The following LUZP2 variants were observed in gnomAD, a reference collection of about 807,000 sequenced individuals.
LUZP2 encodes the protein leucine zipper protein 2.
In LUZP2, 52 loss-of-function variants were observed where a neutral mutation model predicts 51.6. The ratio of observed to expected loss-of-function variants is 1.01; its 90% CI spans 0.81 to 1.27. The LOEUF (loss-of-function observed/expected upper bound fraction) is 1.27. Among genes scored for constraint, LUZP2 ranks in the 50% most tolerant of loss-of-function variants. The pLI, the probability that LUZP2 is intolerant of heterozygous loss-of-function variation, is 0.00. For missense variants in LUZP2, 436 were observed against 395.4 expected (o/e 1.10, Z -0.87); for synonymous variants, 154 against 137.3 (o/e 1.12, Z -0.85).
intron 5 of LUZP2, among the ~76,000 whole-genome samples, chr11:24,779,471 C>A (rs1045181513): frequency 7.2e-5 from 11 of 152,140 alleles, no homozygotes; most frequent in African/African-American, 2.4e-4. Context: ...ATACTGACCA[C>A]CACAGTTGGG....
At chr11:24,598,088 G>A (rs1471535724) in intron 1 of LUZP2, among the ~76,000 whole-genome samples, 4 of 148,306 alleles carry the variant, frequency 2.7e-5, no homozygotes, top group African/African-American at 7.6e-5. Flanking sequence ...GTGACATAGT[G>A]AGACTCTGTC....
chr11:25,060,049 A>G (rs1858792507), intron 10 of LUZP2, among the ~76,000 whole-genome samples: 1 of 152,234 alleles, frequency 6.6e-6, no homozygotes, highest in Non-Finnish European at 1.5e-5. Flanking sequence ...CATCTGATTG[A>G]TGTGGGTATT....
intron 1 of LUZP2, among the ~76,000 whole-genome samples, chr11:24,556,637 G>T (rs1278855012): frequency 6.6e-6 from 1 of 152,090 alleles, no homozygotes; most frequent in Non-Finnish European, 1.5e-5. Flanking sequence ...CTCATCAAAT[G>T]TTCTTCCTTG....
In LUZP2 at chr11:25,021,152, A is replaced by G. The variant is rs184184771; in HGVS notation, c.766-28886A>G. On this transcript the variant is annotated intron_variant, in intron 9 of 11. Coordinates refer to ENST00000336930, the MANE Select transcript of LUZP2 (RefSeq NM_001009909.4). Reference sequence around the variant, plus strand: ...GTTTTATTATAGTAGGGAAAATATAACTAAACCAATAAAAATAAATGATAA... The same window carrying G: ...GTTTTATTATAGTAGGGAAAATATAGCTAAACCAATAAAAATAAATGATAA... Among the ~76,000 whole-genome samples, 195 of 152,214 alleles carry G rather than the reference A, an allele frequency of 1.3e-3. 2 individuals are homozygous for G. The highest frequency in any genetic ancestry group is 3.2e-4 in the Non-Finnish European group (22 of 67,988).
Position 24,907,880 on chromosome 11 carries a change from G to A in LUZP2, c.459+1827G>A, listed in dbSNP as rs1423744917. Among the ~76,000 whole-genome samples the A allele has an allele frequency of 3.9e-5, 6 of 151,970 alleles. No individual in the cohort carries two copies. In the East Asian group the frequency reaches 1.2e-3, roughly 29 times the overall value. On this transcript the variant is annotated intron_variant, in intron 6 of 11. Coordinates refer to ENST00000336930, the MANE Select transcript of LUZP2 (RefSeq NM_001009909.4). The stretch of plus-strand genomic sequence containing the variant: ...GTTAGATACTTCATGTATTAGTGTT[G>A]CCTAATATTGAAATGTATTGTCATG...
At chr11:24,801,378 CTAA>C (rs1472701039) in intron 5 of LUZP2, among the ~76,000 whole-genome samples, 1 of 151,894 alleles carries the variant, frequency 6.6e-6, no homozygotes, top group African/African-American at 2.4e-5. Context: ...CACATGTTCA[CTAA>C]TAATAATAAT....
intron 7 of LUZP2, among the ~76,000 whole-genome samples, chr11:24,966,123 A>T (rs551322966): frequency 2.0e-5 from 3 of 151,854 alleles, no homozygotes; most frequent in African/African-American, 7.2e-5. Flanking sequence ...TCTCATGAGC[A>T]TTTTTGTATT....
intron 4 of LUZP2, among the ~76,000 whole-genome samples, chr11:24,744,365 T>A (rs984266447): frequency 2.0e-5 from 3 of 152,152 alleles, no homozygotes; most frequent in African/African-American, 2.4e-5. Context: ...AGTAATTTTT[T>A]AATTACCATT....
intron 10 of LUZP2, among the ~76,000 whole-genome samples, chr11:25,076,752 T>G (rs1325000069): frequency 8.8e-5 from 3 of 34,138 alleles, no homozygotes; most frequent in East Asian, 4.1e-3. Flanking sequence ...TTTTTTTAAT[T>G]TATTTTTTTT....
intron 1 of LUZP2, among the ~76,000 whole-genome samples, chr11:24,667,541 G>T (rs1032317163): frequency 6.6e-6 from 1 of 152,096 alleles, no homozygotes; most frequent in Non-Finnish European, 1.5e-5. Flanking sequence ...ATGTTAAAGG[G>T]ATTAAACTAT....
chr11:24,814,385 G>A (rs1486689), intron 5 of LUZP2, among the ~76,000 whole-genome samples: 148,823 of 151,848 alleles, frequency 0.98, 73,017 homozygotes, highest in East Asian at 1. Context: ...CACTAAAAAA[G>A]AGAGAGATAA....
chr11:24,898,856 A>G (rs559850050), intron 5 of LUZP2, among the ~76,000 whole-genome samples: 10 of 152,142 alleles, frequency 6.6e-5, no homozygotes, highest in Non-Finnish European at 1.3e-4. Context: ...TGAAGGCAGA[A>G]TAGTACAGTG....
chr11:24,813,851 G>A (rs1850093342), intron 5 of LUZP2, among the ~76,000 whole-genome samples: 1 of 152,186 alleles, frequency 6.6e-6, no homozygotes, highest in South Asian at 2.1e-4. Context: ...AGTGGTCAAT[G>A]ATCCCACAAA....
At chr11:24,728,793 G>A (rs962860364) in intron 1 of LUZP2, among the ~76,000 whole-genome samples, 3 of 151,938 alleles carry the variant, frequency 2.0e-5, no homozygotes, top group Non-Finnish European at 4.4e-5. Context: ...TCACACTGCT[G>A]ATAAAGGCAT....
At chr11:24,842,183 AT>A (rs1564973984) in intron 5 of LUZP2, among the ~76,000 whole-genome samples, 1 of 149,792 alleles carries the variant, frequency 6.7e-6, no homozygotes, top group Admixed American at 6.7e-5. Flanking sequence ...ACAGAGGGGC[AT>A]TATTTAATAT....
chr11:24,819,481 G>A (rs771080889), intron 5 of LUZP2, among the ~76,000 whole-genome samples: 6 of 151,986 alleles, frequency 3.9e-5, no homozygotes, highest in Non-Finnish European at 7.4e-5. Flanking sequence ...TGATTTAGAC[G>A]TTTCTGTTGA....
intron 5 of LUZP2, among the ~76,000 whole-genome samples, chr11:24,829,365 C>T (rs931779553): frequency 3.3e-5 from 5 of 152,064 alleles, no homozygotes; most frequent in Admixed American, 2.6e-4. Flanking sequence ...GTACACCTCC[C>T]CCACAGTGCA....
chr11:25,038,538 A>G (rs1390267286), intron 9 of LUZP2, among the ~76,000 whole-genome samples: 2 of 152,178 alleles, frequency 1.3e-5, no homozygotes, highest in Non-Finnish European at 2.9e-5. Context: ...ACATCTTTCT[A>G]TTCTTAAATC....
At chr11:24,826,430 C>G (rs1202023003) in intron 5 of LUZP2, among the ~76,000 whole-genome samples, 2 of 151,448 alleles carry the variant, frequency 1.3e-5, no homozygotes, top group Non-Finnish European at 2.9e-5. Flanking sequence ...AAATGTCATA[C>G]AGAAGACACA....
Sources: gnomAD v4.1 joint callset for allele counts (sites outside exome capture counted in the v4.1 genomes callset) on GRCh38, gnomAD v4.1.1 for gene constraint, MANE v1.5 for transcripts, NCBI Gene and HGNC (gene_info 2026-07-23, HGNC 2026-07-21) for gene names.